The following ZNF516 variants were observed in gnomAD, a reference collection of about 807,000 sequenced individuals.
ZNF516 encodes zinc finger protein 516.
A neutral mutation model predicts 79.7 loss-of-function variants in ZNF516; 19 were observed. That is an observed-to-expected ratio of 0.24 (90% CI 0.17 to 0.35). ZNF516 has a LOEUF of 0.35. ZNF516 is among the 10% of genes least tolerant of loss of function. ZNF516 has a pLI of 1.00. For synonymous variants in ZNF516, 877 were observed against 739.5 expected, an observed-to-expected ratio of 1.19 and a Z score of -3.02; for missense variants, 1,678 against 1,679.5, an observed-to-expected ratio of 1.00 and a Z score of 0.02.
chr18:76,491,639 T>C (rs1279246823), intron 1 of ZNF516: 8 of 525,964 alleles, frequency 1.5e-5, no homozygotes, highest in African/African-American at 8.3e-5. Flanking sequence ...ACGGCCCTCC[T>C]CCTGGCAGCC....
intron 3 of ZNF516, among the ~76,000 whole-genome samples, chr18:76,417,200 T>C (rs2075443722): frequency 1.3e-5 from 2 of 152,192 alleles, no homozygotes; most frequent in African/African-American, 2.4e-5. Flanking sequence ...ATCTGGTCCC[T>C]TATTCTCAAC....
chr18:76,427,310 C>T (rs1436767924), intron 3 of ZNF516, among the ~76,000 whole-genome samples: 1 of 152,194 alleles, frequency 6.6e-6, no homozygotes, highest in Non-Finnish European at 1.5e-5. Context: ...TGGGGCTATG[C>T]TGGAGGTTTA....
chr18:76,492,047 G>A (rs943841286), intron 1 of ZNF516: 11 of 532,660 alleles, frequency 2.1e-5, no homozygotes, highest in Admixed American at 6.4e-5. Context: ...GGTGCGGCCT[G>A]GTGGCCGGGC....
At chr18:76,466,007 G>A (rs1913441462) in intron 1 of ZNF516, among the ~76,000 whole-genome samples, 1 of 152,102 alleles carries the variant, frequency 6.6e-6, no homozygotes, top group African/African-American at 2.4e-5. Context: ...AACTTCTGCT[G>A]GGCAAAGACA....
At chr18:76,375,256 G>A (rs1421578716) in intron 4 of ZNF516, among the ~76,000 whole-genome samples, 1 of 152,224 alleles carries the variant, frequency 6.6e-6, no homozygotes, top group East Asian at 1.9e-4. Context: ...AAATGCGGAA[G>A]GTCCCAGAGA....
intron 3 of ZNF516, among the ~76,000 whole-genome samples, chr18:76,390,516 T>C (rs1472824772): frequency 6.6e-6 from 1 of 152,148 alleles, no homozygotes; most frequent in Non-Finnish European, 1.5e-5. Context: ...CTGTCTCAGA[T>C]GCATCCCAGC....
chr18:76,491,603 C>T (rs988320149), intron 1 of ZNF516: 2 of 269,852 alleles, frequency 7.4e-6, no homozygotes, highest in Non-Finnish European at 1.1e-5. Flanking sequence ...CCTCCCCGTG[C>T]TTCTCCGCCC....
chr18:76,388,549 T>A (rs1568250534), intron 3 of ZNF516: 3 of 149,742 alleles, frequency 2.0e-5, no homozygotes, highest in Admixed American at 6.8e-5. Context: ...CGACCTCCCA[T>A]GAGCCATCAT....
At chr18:76,470,696 T>C (rs1023396931) in intron 1 of ZNF516, among the ~76,000 whole-genome samples, 1 of 152,200 alleles carries the variant, frequency 6.6e-6, no homozygotes, top group Non-Finnish European at 1.5e-5. Context: ...CCCTACATAC[T>C]GTAAGGCTTG....
chr18:76,423,843 G>GT (rs2075547539), intron 3 of ZNF516, among the ~76,000 whole-genome samples: 1 of 141,666 alleles, frequency 7.1e-6, no homozygotes, highest in East Asian at 2.2e-4. Context: ...ACACATGCAG[G>GT]TGAAAAGGCT....
intron 3 of ZNF516, among the ~76,000 whole-genome samples, chr18:76,385,249 C>T (rs939783354): frequency 5.3e-5 from 8 of 152,226 alleles, no homozygotes; most frequent in Admixed American, 1.3e-4. Flanking sequence ...TGGATTAGGT[C>T]TTGGGTGACT....
At chr18:76,421,571 G>A (rs1025815652) in intron 3 of ZNF516, among the ~76,000 whole-genome samples, 17 of 152,186 alleles carry the variant, frequency 1.1e-4, no homozygotes, top group African/African-American at 4.1e-4. Flanking sequence ...ACAACTCAAG[G>A]GTTTGCTTGA....
intron 1 of ZNF516, among the ~76,000 whole-genome samples, chr18:76,483,275 T>C (rs1914633168): frequency 6.6e-6 from 1 of 152,100 alleles, no homozygotes; most frequent in Non-Finnish European, 1.5e-5. Flanking sequence ...CCAGCCAACC[T>C]GACCATTGGA....
rs528902624 is a variant in ZNF516, at chr18:76,395,309, G to A, written c.1811-15006C>T. On this transcript the variant is annotated intron_variant, in intron 3 of 6. Transcript: ENST00000443185. The stretch of plus-strand genomic sequence containing the variant: ...CGAGCATCTCCCAGACACCAAGAAA[G>A]CAAACCTTGTTTCACAGCTTTATCG... Among the ~76,000 whole-genome samples the A allele has an allele frequency of 3.3e-5, 5 of 152,270 alleles. 1 individual carries two copies. Among genetic ancestry groups the A allele is most frequent in the Admixed American group, 3.3e-4 (5 of 15,294 alleles).
intron 6 of ZNF516, among the ~76,000 whole-genome samples, chr18:76,367,889 TTATGTA>T (rs1427505956): frequency 2.0e-5 from 3 of 152,226 alleles, no homozygotes; most frequent in African/African-American, 7.2e-5. Context: ...GTAGCATCTA[TTATGTA>T]TATCTATAAA....
At chr18:76,409,640 G>A (rs2075348098) in intron 3 of ZNF516, among the ~76,000 whole-genome samples, 1 of 152,190 alleles carries the variant, frequency 6.6e-6, no homozygotes, top group South Asian at 2.1e-4. Flanking sequence ...GGCCAGTCTG[G>A]ATAACTCTTC....
rs2074517593 is a variant in ZNF516, at chr18:76,360,642, AAAAAATATATATATATAT to A, written c.*1838_*1855del. ...TCAGAAAAAAATAAGTAAAAAAAAA[AAAAAATATATATATATAT>A]ATATATATATATATATATAAGCTAG... On this transcript the variant is annotated 3_prime_UTR_variant, in exon 7 of 7. Coordinates refer to ENST00000443185, the MANE Select transcript of ZNF516 (RefSeq NM_014643.4). 1 of 107,056 alleles carries A rather than the reference AAAAAATATATATATATAT, an allele frequency of 9.3e-6. No individual in the cohort carries two copies. The highest frequency in any genetic ancestry group is 9.2e-5 in the Admixed American group (1 of 10,822). 6.6% of individuals were successfully genotyped at this position (107,056 alleles called of 1,614,324 possible).
intron 3 of ZNF516, among the ~76,000 whole-genome samples, chr18:76,432,924 G>A (rs963776869): frequency 1.3e-5 from 2 of 152,230 alleles, no homozygotes; most frequent in African/African-American, 2.4e-5. Flanking sequence ...AACACGAGGC[G>A]TGTAGGGCCA....
At chr18:76,460,108 C>T (rs1247195385) in intron 2 of ZNF516, among the ~76,000 whole-genome samples, 1 of 152,226 alleles carries the variant, frequency 6.6e-6, no homozygotes, top group Non-Finnish European at 1.5e-5. Flanking sequence ...CCAAACACAG[C>T]AAGGGGCGAC....
Sources: gnomAD v4.1 joint callset for allele counts (sites outside exome capture counted in the v4.1 genomes callset) on GRCh38, gnomAD v4.1.1 for gene constraint, MANE v1.5 for transcripts, NCBI Gene and HGNC (gene_info 2026-07-23, HGNC 2026-07-21) for gene names.